Variants in SMC3 observed in about 807,000 individuals in gnomAD.
SMC3 encodes structural maintenance of chromosomes 3, also known as structural maintenance of chromosomes protein 3.
In SMC3, 20 loss-of-function variants were observed where a neutral mutation model predicts 171.8. The observed-to-expected ratio is 0.12, with a 90% confidence interval of 0.08 to 0.17. SMC3 has a LOEUF of 0.17. Ranked by LOEUF, SMC3 falls within the 10% of genes least tolerant of loss-of-function variation. The probability of loss-of-function intolerance (pLI) is 1.00; values close to 1 mark genes in which losing one functional copy is unlikely to be tolerated. For missense variants in SMC3, 543 were observed against 1,420.4 expected, an observed-to-expected ratio of 0.38 and a Z score of 9.93; for synonymous variants, 464 against 451.1, an observed-to-expected ratio of 1.03 and a Z score of -0.36.
chr10:110,582,925 C>T lies in SMC3; in HGVS notation c.804+283C>T, dbSNP rs1197073571. Reference sequence around the variant, plus strand: ...TCAAGTGGTCCTTCTGCCTCAGCCTCCTGAAGTTTTTTTTTTTTTTTTGGA... The same window carrying T: ...TCAAGTGGTCCTTCTGCCTCAGCCTTCTGAAGTTTTTTTTTTTTTTTTGGA... On this transcript the variant is annotated intron_variant, in intron 10 of 28. Transcript: ENST00000361804. Among the ~76,000 whole-genome samples, 25 of 146,170 alleles carry T rather than the reference C, an allele frequency of 1.7e-4. 1 individual carries two copies. In the Admixed American group the frequency reaches 1.7e-3, roughly 10 times the overall value.
intron 18 of SMC3, among the ~76,000 whole-genome samples, chr10:110,593,636 A>G (rs902393188): frequency 6.6e-6 from 1 of 152,104 alleles, no homozygotes; most frequent in Non-Finnish European, 1.5e-5. Context: ...TCTGATTAAT[A>G]TATCTTACAG....
intron 28 of SMC3, among the ~76,000 whole-genome samples, chr10:110,603,710 C>G (rs139528507): frequency 1.3e-5 from 2 of 152,284 alleles, no homozygotes; most frequent in African/African-American, 4.8e-5. Context: ...CATTAAAATA[C>G]ATATTTTTTA....
rs538368899 is a variant in SMC3 at position 110,604,611 on chromosome 10, T to C, written c.*309T>C. The stretch of plus-strand genomic sequence containing the variant: ...TATACTACCTTTTTTATAGCTTCAA[T>C]TAAATAATCGGTTTTATGACTAATA... On this transcript the variant is annotated 3_prime_UTR_variant, in exon 29 of 29. Coordinates refer to ENST00000361804, the MANE Select transcript of SMC3 (RefSeq NM_005445.4). 4 of 325,368 alleles carry C rather than the reference T, an allele frequency of 1.2e-5. No homozygotes were observed. The highest frequency in any genetic ancestry group is 9.2e-5 in the South Asian group (3 of 32,572). 20.2% of individuals were successfully genotyped at this position (325,368 alleles called of 1,614,324 possible). A position where few individuals can be genotyped will look rare whatever the true frequency, so the allele number is the denominator to read the frequency against.
intron 18 of SMC3, among the ~76,000 whole-genome samples, chr10:110,593,461 A>T (rs191126325): frequency 5.7e-4 from 87 of 152,170 alleles, no homozygotes; most frequent in African/African-American, 2.0e-3. Context: ...AGTCCCAGCT[A>T]CTCAGGAGGC....
chr10:110,569,381 C>G (rs1328450346), intron 2 of SMC3, among the ~76,000 whole-genome samples: 4 of 152,094 alleles, frequency 2.6e-5, no homozygotes, highest in East Asian at 3.8e-4. Context: ...GGATTCCCCC[C>G]CCACCCCGGC....
intron 23 of SMC3, 121 bp downstream of exon 23, chr10:110,601,251 C>T: frequency 2.7e-6 from 2 of 743,778 alleles, no homozygotes; most frequent in Non-Finnish European, 4.7e-6. Context: ...CCATTATAAA[C>T]AATGTATAGC....
chr10:110,604,013 T>G (rs1412902112), intron 28 of SMC3, among the ~76,000 whole-genome samples: 1 of 141,090 alleles, frequency 7.1e-6, no homozygotes, highest in Middle Eastern at 3.5e-3. Context: ...AATAATTGCT[T>G]GAACCTGGGA....
intron 23 of SMC3, among the ~76,000 whole-genome samples, 195 bp from the exon 24 acceptor site, chr10:110,601,442 A>T (rs1861385723): frequency 1.3e-5 from 2 of 152,232 alleles, no homozygotes; most frequent in Admixed American, 6.5e-5. Flanking sequence ...TTGAATAATG[A>T]AAATTATATA....
intron 23 of SMC3, 130 bp downstream of exon 23, chr10:110,601,260 G>A: frequency 1.4e-6 from 1 of 724,644 alleles, no homozygotes. Flanking sequence ...ACAATGTATA[G>A]CAAATGGAAT....
chr10:110,575,491 G>C (rs1317115622), intron 4 of SMC3, 88 bp downstream of exon 4: 5 of 954,142 alleles, frequency 5.2e-6, no homozygotes, highest in Non-Finnish European at 4.9e-6. Flanking sequence ...ATTTGTTCAA[G>C]TTTCAGATTC....
intron 2 of SMC3, among the ~76,000 whole-genome samples, chr10:110,571,329 T>C (rs1426788936): frequency 6.6e-6 from 1 of 152,188 alleles, no homozygotes; most frequent in Non-Finnish European, 1.5e-5. Context: ...AAGCTGGTCA[T>C]AGATTTCTAA....
chr10:110,593,387 C>G (rs756509760), intron 18 of SMC3, among the ~76,000 whole-genome samples, 164 bp downstream of exon 18: 1 of 151,602 alleles, frequency 6.6e-6, no homozygotes, highest in Non-Finnish European at 1.5e-5. Flanking sequence ...GCCTGGCTAA[C>G]GAGGCGAAAC....
Position 110,583,474 on chromosome 10 carries a change from A to T in SMC3, c.895A>T (p.Ile299Phe). Residue 299 changes from isoleucine (I) to phenylalanine (F), a missense_variant, in exon 11 of 29, where the codon ATT becomes TTT. Physicochemically the swap from Ile to Phe is conservative, Grantham distance 21. Around this residue, in one of 8 missense-constraint regions of SMC3, gnomAD observed 146 missense variants for 437.9 expected, o/e 0.33. Transcript: ENST00000361804. The stretch of plus-strand genomic sequence containing the variant: ...GCTTAGTGCTGAAAGACAAGAGCAG[A>T]TTAAGCAGAGGACTAAGTTGGAGCT... Reference protein sequence around the residue: ...EQLSAERQEQIKQRTKLELKA... With the variant: ...EQLSAERQEQFKQRTKLELKA... The T allele has an allele frequency of 1.2e-6, 2 of 1,614,110 alleles. No homozygotes were observed. The highest frequency in any genetic ancestry group is 1.7e-6 in the Non-Finnish European group (2 of 1,179,950).
chr10:110,580,718 C>T (rs1861018164), intron 7 of SMC3, among the ~76,000 whole-genome samples, 186 bp from the exon 8 acceptor site: 1 of 152,298 alleles, frequency 6.6e-6, no homozygotes, highest in Non-Finnish European at 1.5e-5. Flanking sequence ...GGTTGCTCAT[C>T]TGGTAAGTAT....
intron 16 of SMC3, 27 bp from the exon 17 acceptor site, chr10:110,590,964 G>A (rs769756653): frequency 1.2e-6 from 2 of 1,609,020 alleles, no homozygotes; most frequent in Non-Finnish European, 1.7e-6. Flanking sequence ...TACCAATAAA[G>A]ATTTGTCTTA....
At position 110,600,558 on chromosome 10, in the gene SMC3, T is replaced by C. The variant is rs767662342; in HGVS notation, c.2535+12T>C. 1 of 287,510 alleles carries C rather than the reference T, an allele frequency of 3.5e-6. No individual in the cohort carries two copies. The highest frequency in any genetic ancestry group is 5.2e-6 in the Non-Finnish European group (1 of 190,642). 17.8% of individuals were successfully genotyped at this position (287,510 alleles called of 1,614,324 possible). On this transcript the variant is annotated intron_variant, in intron 22 of 28. Coordinates refer to ENST00000361804, the MANE Select transcript of SMC3 (RefSeq NM_005445.4). ...ACCAAGTAGAACAGGTGTGTATGTG[T>C]TTTTTTTTTTTTTTTTAAGGGCTCC...
At chr10:110,585,080 T>G (rs1193384358) in intron 13 of SMC3, among the ~76,000 whole-genome samples, 1 of 152,008 alleles carries the variant, frequency 6.6e-6, no homozygotes, top group Admixed American at 6.6e-5. Flanking sequence ...TGGCGCAATT[T>G]CGGCTCACTG....
chr10:110,571,491 A>G (rs950315521), intron 2 of SMC3, among the ~76,000 whole-genome samples: 2 of 152,246 alleles, frequency 1.3e-5, no homozygotes, highest in Admixed American at 6.5e-5. Flanking sequence ...AAAGTTTTCT[A>G]CATCTGGCAT....
At chr10:110,579,901 A>G (rs761123679) in intron 7 of SMC3, among the ~76,000 whole-genome samples, 24 of 152,220 alleles carry the variant, frequency 1.6e-4, no homozygotes, top group Non-Finnish European at 1.9e-4. Context: ...TACTTGTTAT[A>G]TATTAAGTTG....
Sources: allele counts gnomAD v4.1 joint callset (sites outside exome capture counted in the v4.1 genomes callset), GRCh38; gene constraint gnomAD v4.1.1; regional missense constraint gnomAD v4.1.1; transcripts MANE v1.5; gene names NCBI Gene and HGNC (gene_info 2026-07-23, HGNC 2026-07-21).